Variants in AFF2 observed in about 807,000 individuals in gnomAD.
AFF2 encodes the protein AF4/FMR2 family member 2.
Under a neutral mutation model 76.9 loss-of-function variants are expected in AFF2, and 14 were observed. That is an observed-to-expected ratio of 0.18 (90% CI 0.12 to 0.28). The LOEUF (loss-of-function observed/expected upper bound fraction) is 0.28, where lower values mean the gene tolerates loss of function less well. AFF2 is among the 10% of genes least tolerant of loss of function. AFF2 has a pLI of 1.00. For missense variants in AFF2, 868 were observed against 1,001.1 expected (o/e 0.87, Z 1.79); for synonymous variants, 398 against 366.7 (o/e 1.09, Z -0.98).
chrX:148,682,057 A>G (rs1334901412), intron 3 of AFF2, among the ~76,000 whole-genome samples: 1 of 112,138 alleles, frequency 8.9e-6, no homozygotes, highest in African/African-American at 3.2e-5. Flanking sequence ...TTTTTAGTGA[A>G]GAAATAAAAG....
chrX:148,945,949 G>C (rs2071895522), intron 9 of AFF2, among the ~76,000 whole-genome samples: 2 of 111,845 alleles, frequency 1.8e-5, no homozygotes, highest in South Asian at 3.8e-4. Context: ...ATGGGAGACG[G>C]GGCACAGGTA....
intron 1 of AFF2, among the ~76,000 whole-genome samples, chrX:148,541,221 T>TGTGC (rs782513122): frequency 4.1e-4 from 46 of 112,670 alleles, no homozygotes; most frequent in Non-Finnish European, 7.1e-4. Context: ...TTGCTATAGT[T>TGTGC]ATCTATTCAA....
At chrX:148,919,530 A>C (rs2071569010) in intron 9 of AFF2, among the ~76,000 whole-genome samples, 1 of 109,998 alleles carries the variant, frequency 9.1e-6, no homozygotes, top group Non-Finnish European at 1.9e-5. Context: ...ACTGCTATAA[A>C]ATTTTTACAT....
At chrX:148,592,158 G>A (rs1304536579) in intron 1 of AFF2, among the ~76,000 whole-genome samples, 3 of 111,836 alleles carry the variant, frequency 2.7e-5, no homozygotes, top group African/African-American at 9.8e-5. Flanking sequence ...ATGTGCTCAG[G>A]AGCCTGATGA....
At chrX:148,545,229 G>A (rs1557237975) in intron 1 of AFF2, among the ~76,000 whole-genome samples, 1 of 111,757 alleles carries the variant, frequency 8.9e-6, no homozygotes, top group African/African-American at 3.3e-5. Flanking sequence ...CAGCACCAGG[G>A]TTAGAACACA....
At chrX:148,636,373 T>G (rs2054031084) in intron 1 of AFF2, among the ~76,000 whole-genome samples, 1 of 112,420 alleles carries the variant, frequency 8.9e-6, no homozygotes, top group Non-Finnish European at 1.9e-5. Flanking sequence ...GTTGAATCTG[T>G]AATTAACAAA....
chrX:148,686,959 G>A (rs927837720), intron 3 of AFF2, among the ~76,000 whole-genome samples: 11 of 111,554 alleles, frequency 9.9e-5, no homozygotes, highest in African/African-American at 3.6e-4. Context: ...ATATATTTAA[G>A]ATGAGTACAG....
At chrX:148,555,361 G>A (rs2053041307) in intron 1 of AFF2, among the ~76,000 whole-genome samples, 1 of 112,255 alleles carries the variant, frequency 8.9e-6, no homozygotes, top group Non-Finnish European at 1.9e-5. Flanking sequence ...TTAATTATTC[G>A]TTCCTTTCTC....
At chrX:148,904,340 C>A in intron 9 of AFF2, 82 bp downstream of exon 9, 1 of 612,288 alleles carries the variant, frequency 1.6e-6, no homozygotes, top group Non-Finnish European at 2.6e-6. Flanking sequence ...TAAAAGAGAC[C>A]TTGGATTTTG....
rs887616809 is a variant in AFF2 at position 148,809,337 on chromosome X, C to T, written c.1042-539C>T. Reference sequence around the variant, plus strand: ...ATCTTGATTCATTAGGAAGGTGTCACACTGGGAAAAATGCATCATGGGATT... The same window carrying T: ...ATCTTGATTCATTAGGAAGGTGTCATACTGGGAAAAATGCATCATGGGATT... On this transcript the variant is annotated intron_variant, in intron 3 of 20. Coordinates refer to ENST00000370460, the MANE Select transcript of AFF2 (RefSeq NM_002025.4). Among the ~76,000 whole-genome samples the T allele has an allele frequency of 2.7e-5, 3 of 111,826 alleles. No individual in the cohort carries two copies. The Admixed American group carries it at 2.8e-4, about 11-fold the overall frequency.
chrX:148,916,646 G>A (rs934204132), intron 9 of AFF2, among the ~76,000 whole-genome samples: 11 of 112,149 alleles, frequency 9.8e-5, no homozygotes, highest in African/African-American at 3.6e-4. Flanking sequence ...CCTTGAAGAG[G>A]AATTTTACAA....
intron 9 of AFF2, among the ~76,000 whole-genome samples, chrX:148,922,992 C>G (rs2071612549): frequency 9.0e-6 from 1 of 111,610 alleles, no homozygotes; most frequent in Non-Finnish European, 1.9e-5. Flanking sequence ...TCTGGGAGTT[C>G]AACAGCCATG....
intron 1 of AFF2, among the ~76,000 whole-genome samples, chrX:148,627,777 C>T (rs1449425647): frequency 9.4e-6 from 1 of 105,944 alleles, no homozygotes; most frequent in African/African-American, 3.4e-5. Flanking sequence ...ATGAGCAACA[C>T]AGGACAAGGA....
At chrX:148,690,401 A>G (rs1339696559) in intron 3 of AFF2, among the ~76,000 whole-genome samples, 1 of 112,242 alleles carries the variant, frequency 8.9e-6, no homozygotes, top group African/African-American at 3.2e-5. Context: ...CAGAGAATGT[A>G]GCAGTAAGGA....
intron 15 of AFF2, among the ~76,000 whole-genome samples, chrX:148,971,773 GT>G (rs1198615424): frequency 0.046 from 1,174 of 25,704 alleles, 17 homozygotes; most frequent in African/African-American, 0.085. Flanking sequence ...TTTTTTTAAT[GT>G]TTTTTTTTTT....
At chrX:148,561,106 C>T (rs1355509807) in intron 1 of AFF2, among the ~76,000 whole-genome samples, 11 of 112,101 alleles carry the variant, frequency 9.8e-5, no homozygotes, top group African/African-American at 3.2e-4. Flanking sequence ...TAATGCCAGC[C>T]AGACATTTTG....
At chrX:148,795,718 G>A (rs1480703113) in intron 3 of AFF2, among the ~76,000 whole-genome samples, 3 of 89,062 alleles carry the variant, frequency 3.4e-5, no homozygotes, top group Non-Finnish European at 4.3e-5. Flanking sequence ...CAGGAGAACC[G>A]CTTGAACCCA....
At chrX:148,509,739 G>A (rs371452305) in intron 1 of AFF2, among the ~76,000 whole-genome samples, 1 of 111,785 alleles carries the variant, frequency 8.9e-6, no homozygotes, top group East Asian at 2.8e-4. Flanking sequence ...TTGTTTGTTA[G>A]GTGTGTACCA....
rs2072625711 is a variant in AFF2 at position 148,997,977 on chromosome X, A to G, written c.*6645A>G. ...AGAAATGTCTGAGATAAAATCCCTC[A>G]CATTTACTCAATATAACAAATTACT... On this transcript the variant is annotated 3_prime_UTR_variant, in exon 21 of 21. Coordinates refer to ENST00000370460, the MANE Select transcript of AFF2 (RefSeq NM_002025.4). The G allele has an allele frequency of 8.9e-6, 1 of 112,568 alleles. No individual in the cohort carries two copies. The allele number at this position is 112,568 out of a possible 1,213,427, so 9.3% of individuals were successfully genotyped here.
Sources: allele counts gnomAD v4.1 joint callset (sites outside exome capture counted in the v4.1 genomes callset), GRCh38; gene constraint gnomAD v4.1.1; transcripts MANE v1.5; gene names NCBI Gene and HGNC (gene_info 2026-07-23, HGNC 2026-07-21).